Variants in LRBA observed in about 807,000 individuals in gnomAD.
LRBA encodes lipopolysaccharide-responsive and beige-like anchor protein.
LRBA carries 176 observed loss-of-function variants against 330.0 expected under a neutral mutation model. The ratio of observed to expected loss-of-function variants is 0.53; its 90% CI spans 0.47 to 0.60. LRBA has a LOEUF of 0.60. Among genes scored for constraint, LRBA ranks in the 20% least tolerant of loss-of-function variants. The pLI, the probability that LRBA is intolerant of heterozygous loss-of-function variation, is 0.00. For synonymous variants in LRBA, 1,230 were observed against 1,193.0 expected (o/e 1.03, Z -0.64); for missense variants, 3,259 against 3,444.8 (o/e 0.95, Z 1.35).
At chr4:150,485,105 G>A (rs72734483) in intron 42 of LRBA, among the ~76,000 whole-genome samples, 2,132 of 151,988 alleles carry the variant, frequency 0.014, 31 homozygotes, top group Non-Finnish European at 0.02. Context: ...TTGTGCAATT[G>A]ACTAAAATGT....
chr4:150,614,823 T>G (rs1775607006), intron 37 of LRBA, among the ~76,000 whole-genome samples: 1 of 152,200 alleles, frequency 6.6e-6, no homozygotes, highest in Admixed American at 6.5e-5. Flanking sequence ...GCAAAAGCAA[T>G]GTGTTCCCTG....
chr4:150,959,144 C>G (rs1232324602), intron 2 of LRBA, among the ~76,000 whole-genome samples: 1 of 149,408 alleles, frequency 6.7e-6, no homozygotes, highest in Non-Finnish European at 1.5e-5. Flanking sequence ...GTTCTACATG[C>G]CTGGAGAGGC....
chr4:150,489,131 A>ATATATAATATATAATATATAAGAC (rs1348273929), intron 41 of LRBA, among the ~76,000 whole-genome samples: 30,588 of 99,108 alleles, frequency 0.31, 7,172 homozygotes, highest in South Asian at 0.44. Context: ...ATATATAAGA[A>ATATATAATATATAATATATAAGAC]TATATAATAT....
At chr4:150,986,367 G>A (rs953963370) in intron 2 of LRBA, among the ~76,000 whole-genome samples, 2 of 152,084 alleles carry the variant, frequency 1.3e-5, no homozygotes, top group Non-Finnish European at 2.9e-5. Context: ...ATTCTCATAG[G>A]AGCACAAAGG....
At chr4:150,742,147 A>ATT (rs1279357586) in intron 35 of LRBA, among the ~76,000 whole-genome samples, 1 of 140,246 alleles carries the variant, frequency 7.1e-6, no homozygotes, top group African/African-American at 2.9e-5. Flanking sequence ...TATTATTATT[A>ATT]TTATTTTTTT....
At chr4:150,477,536 C>T (rs1279080079) in intron 42 of LRBA, among the ~76,000 whole-genome samples, 1 of 152,034 alleles carries the variant, frequency 6.6e-6, no homozygotes, top group South Asian at 2.1e-4. Flanking sequence ...GGGGAAACTG[C>T]CTCCATGATC....
chr4:150,603,060 T>A (rs1321795208), intron 37 of LRBA, among the ~76,000 whole-genome samples: 1 of 152,150 alleles, frequency 6.6e-6, no homozygotes, highest in African/African-American at 2.4e-5. Flanking sequence ...TCCACTAAGA[T>A]CCTCAAAATC....
Position 150,818,574 on chromosome 4 carries a change from ATG to A in LRBA, c.5172-1319_5172-1318del, listed in dbSNP as rs1420646061. Among the ~76,000 whole-genome samples, 26 of 110,114 alleles carry A rather than the reference ATG, an allele frequency of 2.4e-4. No individual in the cohort carries two copies. The South Asian group carries it at 8.4e-3, about 36-fold the overall frequency. The allele number at this position is 110,114 out of a possible 152,430, so 72.2% of individuals were successfully genotyped here. ...TGTGTGTGTGTGTGTGCGTGCACGA[ATG>A]TGTGTGTGTACGTATGTATTAGTGG... On this transcript the variant is annotated intron_variant, in intron 30 of 56. Transcript: ENST00000651943.
intron 30 of LRBA, among the ~76,000 whole-genome samples, chr4:150,827,754 A>C (rs1013220134): frequency 2.0e-5 from 3 of 151,896 alleles, no homozygotes; most frequent in Admixed American, 2.0e-4. Context: ...GGCACACCCC[A>C]CCATGCCCAG....
At chr4:150,453,174 TA>T (rs1172420524) in intron 44 of LRBA, among the ~76,000 whole-genome samples, 2 of 152,120 alleles carry the variant, frequency 1.3e-5, no homozygotes, top group African/African-American at 4.8e-5. Flanking sequence ...GAAGGCTTTT[TA>T]AAAATTAGAA....
chr4:150,558,701 G>A (rs537560944), intron 40 of LRBA, among the ~76,000 whole-genome samples: 9 of 152,214 alleles, frequency 5.9e-5, no homozygotes, highest in African/African-American at 1.7e-4. Flanking sequence ...ATTACTTCTA[G>A]ACACCCTGGT....
chr4:150,703,703 T>C (rs556913806), intron 36 of LRBA, among the ~76,000 whole-genome samples: 23 of 152,180 alleles, frequency 1.5e-4, no homozygotes, highest in East Asian at 1.2e-3. Flanking sequence ...TCCTACATGA[T>C]TGTAATAAGA....
intron 33 of LRBA, among the ~76,000 whole-genome samples, chr4:150,804,664 C>T (rs531770970): frequency 6.6e-6 from 1 of 152,154 alleles, no homozygotes; most frequent in Admixed American, 6.5e-5. Flanking sequence ...CATGATTTTT[C>T]AGTTTGAGGA....
At chr4:150,808,848 T>C (rs1413616255) in intron 31 of LRBA, among the ~76,000 whole-genome samples, 1 of 152,228 alleles carries the variant, frequency 6.6e-6, no homozygotes, top group Non-Finnish European at 1.5e-5. Context: ...ATTGTAGCAA[T>C]AAATGTAATC....
At chr4:150,648,158 C>CATAAAAAAAAAAAAAAAAA in intron 37 of LRBA, among the ~76,000 whole-genome samples, 1 of 18,100 alleles carries the variant, frequency 5.5e-5, no homozygotes, top group Non-Finnish European at 1.8e-4. Flanking sequence ...ACACAAGTAG[C>CATAAAAAAAAAAAAAAAAA]AAAAAAAAAA....
At chr4:150,689,240 A>G (rs780956708) in intron 36 of LRBA, among the ~76,000 whole-genome samples, 9 of 152,198 alleles carry the variant, frequency 5.9e-5, no homozygotes, top group Non-Finnish European at 1.2e-4. Flanking sequence ...GTTCTCACTC[A>G]TAAGTGGGAG....
At chr4:150,940,684 A>C (rs1283792341) in intron 2 of LRBA, among the ~76,000 whole-genome samples, 1 of 152,036 alleles carries the variant, frequency 6.6e-6, no homozygotes, top group Non-Finnish European at 1.5e-5. Context: ...AAATTTCCCC[A>C]GTGTTTCAGT....
intron 37 of LRBA, among the ~76,000 whole-genome samples, chr4:150,633,772 C>T (rs1179974536): frequency 6.6e-6 from 1 of 152,204 alleles, no homozygotes; most frequent in East Asian, 1.9e-4. Context: ...TATCCACGTT[C>T]CAGCTATATA....
rs1313252047 is a variant in LRBA at position 150,422,733 on chromosome 4, G to GGCCC, written c.7042-7147_7042-7144dup. 13 of 954,982 alleles carry GGCCC rather than the reference G, an allele frequency of 1.4e-5. No individual in the cohort carries two copies. The East Asian group carries it at 2.3e-4, about 17-fold the overall frequency. The allele number at this position is 954,982 out of a possible 1,614,324, so 59.2% of individuals were successfully genotyped here. A position where few individuals can be genotyped will look rare whatever the true frequency, so the allele number is the denominator to read the frequency against. ...GGTGAGCCTCTGGAACCCACCTGAG[G>GGCCC]GCCCAAAGGGCTTCTTCATGACCTG... is the stretch of plus-strand genomic sequence containing the variant. On this transcript the variant is annotated intron_variant, in intron 46 of 56. Transcript: ENST00000651943.
Sources: gnomAD v4.1 joint callset for allele counts (sites outside exome capture counted in the v4.1 genomes callset) on GRCh38, gnomAD v4.1.1 for gene constraint, MANE v1.5 for transcripts, NCBI Gene and HGNC (gene_info 2026-07-23, HGNC 2026-07-21) for gene names.